The following KAZN variants were observed in gnomAD, a reference collection of about 807,000 sequenced individuals.
The protein encoded by KAZN is kazrin.
KAZN carries 40 observed loss-of-function variants against 87.4 expected under a neutral mutation model. That is an observed-to-expected ratio of 0.46 (90% CI 0.36 to 0.60). The LOEUF is 0.60. KAZN is among the 20% of genes least tolerant of loss of function. The probability of loss-of-function intolerance (pLI) is 0.00; values close to 1 mark genes in which losing one functional copy is unlikely to be tolerated. For missense variants in KAZN, 898 were observed against 1,073.9 expected (o/e 0.84, Z 2.29); for synonymous variants, 466 against 458.3 (o/e 1.02, Z -0.22).
At chr1:14,589,274 G>A (rs1019455519) in intron 2 of KAZN, among the ~76,000 whole-genome samples, 3 of 150,288 alleles carry the variant, frequency 2.0e-5, no homozygotes, top group South Asian at 2.2e-4. Flanking sequence ...TGGCCTTGGA[G>A]TTCCAAATAT....
intron 2 of KAZN, among the ~76,000 whole-genome samples, chr1:14,420,400 C>T (rs961838566): frequency 6.6e-6 from 1 of 152,198 alleles, no homozygotes; most frequent in Non-Finnish European, 1.5e-5. Context: ...AGTACCCACC[C>T]GACTCAGGGG....
chr1:14,661,781 T>C (rs1639184955), intron 1 of KAZN, among the ~76,000 whole-genome samples: 1 of 152,038 alleles, frequency 6.6e-6, no homozygotes, highest in South Asian at 2.1e-4. Context: ...CTGAGCATGG[T>C]GGCACATACC....
chr1:14,081,982 C>T (rs772850234), intron 1 of KAZN, among the ~76,000 whole-genome samples: 11 of 151,986 alleles, frequency 7.2e-5, no homozygotes, highest in Non-Finnish European at 1.6e-4. Context: ...CACTATGTTG[C>T]CCAGGCTGGC....
At chr1:13,954,586 C>G (rs184375314) in intron 1 of KAZN, among the ~76,000 whole-genome samples, 1 of 151,492 alleles carries the variant, frequency 6.6e-6, no homozygotes, top group East Asian at 1.9e-4. Context: ...TGCATGTCAA[C>G]TCATAGAAGA....
At chr1:14,458,523 C>G (rs892490202) in intron 2 of KAZN, among the ~76,000 whole-genome samples, 7 of 152,108 alleles carry the variant, frequency 4.6e-5, no homozygotes, top group African/African-American at 1.7e-4. Context: ...TTGTTCTTGT[C>G]TTAGAGATAG....
chr1:14,598,535 T>C (rs1298341), upstream of KAZN, among the ~76,000 whole-genome samples: 152,087 of 152,088 alleles, frequency 1, 76,043 homozygotes, highest in Non-Finnish European at 1. The surrounding 1 kb of genome is among the most constrained non-coding windows in gnomAD (Gnocchi z 4.2). Context: ...CCGACTGCCG[T>C]CCGCCGCCTC....
At chr1:14,204,009 G>A (rs1557558441) in intron 2 of KAZN, among the ~76,000 whole-genome samples, 1 of 152,318 alleles carries the variant, frequency 6.6e-6, no homozygotes, top group East Asian at 1.9e-4. Context: ...TCACATTTGG[G>A]TGTGTTGCAA....
At chr1:14,201,893 C>T (rs943564506) in intron 2 of KAZN, among the ~76,000 whole-genome samples, 5 of 152,348 alleles carry the variant, frequency 3.3e-5, no homozygotes, top group Admixed American at 1.3e-4. Context: ...GTCTCAAATT[C>T]CCGACCTCAG....
chr1:14,286,156 G>A (rs1389483384), intron 2 of KAZN, among the ~76,000 whole-genome samples: 7 of 152,188 alleles, frequency 4.6e-5, no homozygotes, highest in Admixed American at 4.6e-4. Context: ...CTGGAGGCTG[G>A]AAGTCCAAGA....
intron 1 of KAZN, among the ~76,000 whole-genome samples, chr1:13,902,254 T>C (rs1639277496): frequency 6.6e-6 from 1 of 152,376 alleles, no homozygotes; most frequent in East Asian, 1.9e-4. Flanking sequence ...CTGAAAGTGC[T>C]GGGATTAAAT....
At chr1:14,178,901 A>G (rs1570948604) in intron 1 of KAZN, among the ~76,000 whole-genome samples, 1 of 152,176 alleles carries the variant, frequency 6.6e-6, no homozygotes, top group East Asian at 1.9e-4. Context: ...GGCCTGGAAT[A>G]GCCTTTATTC....
chr1:14,028,825 A>C (rs1393206850), intron 1 of KAZN, among the ~76,000 whole-genome samples: 1 of 152,068 alleles, frequency 6.6e-6, no homozygotes, highest in Non-Finnish European at 1.5e-5. Flanking sequence ...ATGGCTGCAT[A>C]GTATTCCATG....
intron 1 of KAZN, among the ~76,000 whole-genome samples, chr1:14,625,107 G>A (rs529427576): frequency 4.9e-4 from 75 of 152,034 alleles, no homozygotes; most frequent in South Asian, 6.2e-4. Context: ...GGTCCCCCCC[G>A]ACACCGCGTA....
chr1:14,353,907 C>A (rs1389646867), intron 2 of KAZN, among the ~76,000 whole-genome samples: 1 of 152,062 alleles, frequency 6.6e-6, no homozygotes, highest in Non-Finnish European at 1.5e-5. Context: ...TGGCTCTTTT[C>A]CAGGAAATAA....
intron 2 of KAZN, among the ~76,000 whole-genome samples, chr1:14,367,385 T>G (rs1346240825): frequency 6.6e-6 from 1 of 152,104 alleles, no homozygotes; most frequent in East Asian, 1.9e-4. Flanking sequence ...TTCTCTCCAA[T>G]GTCCAACTGT....
chr1:14,880,515 T>A (rs11578834), intron 1 of KAZN, among the ~76,000 whole-genome samples: 8,083 of 152,224 alleles, frequency 0.053, 356 homozygotes, highest in South Asian at 0.12. Context: ...TGGGATAGCT[T>A]GTTTCTGTTC....
chr1:14,320,729 G>A (rs953700998), intron 2 of KAZN, among the ~76,000 whole-genome samples: 5 of 152,148 alleles, frequency 3.3e-5, no homozygotes, highest in Middle Eastern at 3.2e-3. Flanking sequence ...TAGAAAAACC[G>A]CAACAGTTGG....
rs887622855 is a variant in KAZN, at chr1:15,021,137, A to G, written c.419-13612A>G. 3.3e-5 allele frequency among the ~76,000 whole-genome samples: 5 copies of G among 152,126 alleles called. No individual in the cohort carries two copies. The highest frequency in any genetic ancestry group is 1.2e-4 in the African/African-American group (5 of 41,422). On this transcript the variant is annotated intron_variant, in intron 2 of 14. Transcript: ENST00000376030. The surrounding 1 kb of genome is among the most constrained non-coding windows in gnomAD (Gnocchi z 4.2). ...GGTGCCTGAGTTCCCAAGGCCACAC[A>G]GCATGCGGGTTTGCACCCCAGTGTC...
At chr1:14,754,817 T>TCCTA (rs936658543) in intron 1 of KAZN, among the ~76,000 whole-genome samples, 106 of 152,192 alleles carry the variant, frequency 7.0e-4, no homozygotes, top group African/African-American at 2.5e-3. Context: ...CTCACTGGAA[T>TCCTA]CCTAGCTCCA....
Sources: gnomAD v4.1 joint callset for allele counts (sites outside exome capture counted in the v4.1 genomes callset) on GRCh38, gnomAD v4.1.1 for gene constraint, Gnocchi (gnomAD v3.1) non-coding constraint, MANE v1.5 for transcripts, NCBI Gene and HGNC (gene_info 2026-07-23, HGNC 2026-07-21) for gene names.